The following TNS3 variants were observed in gnomAD, a reference collection of about 807,000 sequenced individuals.
TNS3 encodes tensin 3, also known as tensin-3.
TNS3 carries 45 observed loss-of-function variants against 140.9 expected under a neutral mutation model. The ratio of observed to expected loss-of-function variants is 0.32; its 90% confidence interval spans 0.25 to 0.41. The LOEUF is 0.41. TNS3 is among the 10% of genes least tolerant of loss of function. The pLI is 1.00. For missense variants in TNS3, 1,716 were observed against 1,906.7 expected (o/e 0.90, Z 1.86); for synonymous variants, 815 against 788.4 (o/e 1.03, Z -0.56).
At position 47,344,916 on chromosome 7, in the gene TNS3, A is replaced by G. The variant is rs1309208512; in HGVS notation, c.2566+8T>C. ...CAGCACATGCAGCTAGTGTTACTTC[A>G]TTCTTACCATACGGTGTCTCTGGAG... On this transcript the variant is annotated splice_region_variant and intron_variant, in intron 19 of 30. Coordinates refer to ENST00000311160, the MANE Select transcript of TNS3 (RefSeq NM_022748.12). The G allele has an allele frequency of 6.2e-7, 1 of 1,613,992 alleles. No homozygotes were observed. Among genetic ancestry groups the G allele is most frequent in the Non-Finnish European group, 8.5e-7 (1 of 1,179,864 alleles).
At chr7:47,417,749 TAAC>T (rs1008536035) in intron 10 of TNS3, among the ~76,000 whole-genome samples, 2 of 148,060 alleles carry the variant, frequency 1.4e-5, no homozygotes, top group African/African-American at 5.2e-5. Context: ...AAGGTAAGAT[TAAC>T]AACAACAACA....
At chr7:47,419,518 GT>G (rs1794260093) in intron 10 of TNS3, among the ~76,000 whole-genome samples, 1 of 152,188 alleles carries the variant, frequency 6.6e-6, no homozygotes, top group Non-Finnish European at 1.5e-5. Context: ...AGAAAGTAAA[GT>G]TTATAGTTTA....
intron 2 of TNS3, among the ~76,000 whole-genome samples, chr7:47,519,779 T>C (rs1407580582): frequency 6.6e-6 from 1 of 151,324 alleles, no homozygotes; most frequent in Non-Finnish European, 1.5e-5. Context: ...GAGGCCAGGC[T>C]TCGACTCCAT....
At chr7:47,422,501 T>C (rs1794424553) in intron 10 of TNS3, among the ~76,000 whole-genome samples, 1 of 152,070 alleles carries the variant, frequency 6.6e-6, no homozygotes. Context: ...TAGTCTCAGC[T>C]ACTCAAGAGG....
chr7:47,277,154 C>T lies in TNS3; in HGVS notation c.*922G>A, dbSNP rs1784904924. ...AGTCCACTGCACACTCTTTCAGTGG[C>T]CAGGGGCCTGCGGTGCATCCTACAT... is the stretch of plus-strand genomic sequence containing the variant. On this transcript the variant is annotated 3_prime_UTR_variant, in exon 31 of 31. Coordinates refer to ENST00000311160, the MANE Select transcript of TNS3 (RefSeq NM_022748.12). 1 of 152,262 alleles carries T rather than the reference C, an allele frequency of 6.6e-6. No homozygotes were observed. Among genetic ancestry groups the T allele is most frequent in the African/African-American group, 2.4e-5 (1 of 41,448 alleles). 9.4% of individuals were successfully genotyped at this position (152,262 alleles called of 1,614,324 possible). A position where few individuals can be genotyped will look rare whatever the true frequency, so the allele number is the denominator to read the frequency against.
chr7:47,389,547 C>T (rs1231552711), intron 16 of TNS3, among the ~76,000 whole-genome samples: 1 of 152,232 alleles, frequency 6.6e-6, no homozygotes, highest in Non-Finnish European at 1.5e-5. Flanking sequence ...GTAACGAACA[C>T]TTAATGAGAT....
intron 5 of TNS3, among the ~76,000 whole-genome samples, chr7:47,439,985 C>G (rs1799376): frequency 6.6e-6 from 1 of 151,844 alleles, no homozygotes; most frequent in African/African-American, 2.4e-5. Context: ...GGGAAGGACT[C>G]TTTGTGGTTA....
intron 27 of TNS3, among the ~76,000 whole-genome samples, chr7:47,288,136 A>G (rs1785513536): frequency 6.6e-6 from 1 of 152,192 alleles, no homozygotes; most frequent in South Asian, 2.1e-4. Context: ...CCCTGGTGCT[A>G]CCATATAGGG....
intron 4 of TNS3, among the ~76,000 whole-genome samples, chr7:47,461,780 G>A (rs1034742287): frequency 3.9e-5 from 6 of 152,252 alleles, no homozygotes; most frequent in Non-Finnish European, 8.8e-5. Flanking sequence ...AAAAGGATTT[G>A]TTACTGCTGC....
rs1439910449 is a variant in TNS3, at chr7:47,543,586, C to G, written c.-264-14439G>C. On this transcript the variant is annotated intron_variant, in intron 1 of 30. Transcript: ENST00000311160. ...GCCTGACCCTCAAGATGGTCCAAAG[C>G]TGGAGTTACCCACTCGGGTGGAAGC... 2.0e-5 allele frequency among the ~76,000 whole-genome samples: 3 copies of G among 152,356 alleles called. No homozygotes were observed. The East Asian group carries it at 5.8e-4, about 29-fold the overall frequency.
At chr7:47,505,638 G>C (rs766561247) in intron 3 of TNS3, among the ~76,000 whole-genome samples, 2 of 152,144 alleles carry the variant, frequency 1.3e-5, no homozygotes, top group Non-Finnish European at 2.9e-5. Flanking sequence ...GCACGTGCTC[G>C]GCATTCTCCA....
intron 1 of TNS3, among the ~76,000 whole-genome samples, chr7:47,541,935 C>T (rs996514208): frequency 1.4e-5 from 2 of 143,736 alleles, no homozygotes; most frequent in Non-Finnish European, 3.0e-5. Context: ...GGCAACAGAG[C>T]GAGACTCCAT....
At chr7:47,369,691 G>A in intron 16 of TNS3, 70 bp from the exon 17 acceptor site, 1 of 1,469,460 alleles carries the variant, frequency 6.8e-7, no homozygotes, top group Non-Finnish European at 9.1e-7. Flanking sequence ...CTCTGAATGG[G>A]CGTGTGCATC....
chr7:47,507,688 C>T (rs2151884282), intron 2 of TNS3, among the ~76,000 whole-genome samples: 1 of 152,314 alleles, frequency 6.6e-6, no homozygotes, highest in African/African-American at 2.4e-5. Flanking sequence ...GAGGCATAAA[C>T]CTCCCCACGA....
chr7:47,489,953 C>T (rs1165055230), intron 3 of TNS3, among the ~76,000 whole-genome samples: 1 of 152,208 alleles, frequency 6.6e-6, no homozygotes, highest in African/African-American at 2.4e-5. Flanking sequence ...TGAAGGCCAA[C>T]ACTTACCACA....
chr7:47,512,894 A>G (rs1319162847), intron 2 of TNS3, among the ~76,000 whole-genome samples: 1 of 152,248 alleles, frequency 6.6e-6, no homozygotes, highest in African/African-American at 2.4e-5. Context: ...GAACAAGAGT[A>G]TGAACTAAAT....
intron 1 of TNS3, among the ~76,000 whole-genome samples, chr7:47,554,709 T>TA (rs1800150614): frequency 6.6e-6 from 1 of 152,152 alleles, no homozygotes; most frequent in South Asian, 2.1e-4. Context: ...AGTTGCTTCT[T>TA]ATGCATAAGC....
rs144042398 is a variant in TNS3 at position 47,446,688 on chromosome 7, C to CTTTTTTTTTTTTTTTT, written c.-75-4649_-75-4634dup. Among the ~76,000 whole-genome samples the CTTTTTTTTTTTTTTTT allele has an allele frequency of 2.2e-4, 21 of 96,722 alleles. 4 individuals are homozygous for CTTTTTTTTTTTTTTTT. The highest frequency in any genetic ancestry group is 8.4e-4 in the South Asian group (2 of 2,378). The allele number at this position is 96,722 out of a possible 152,430, so 63.5% of individuals were successfully genotyped here. A position where few individuals can be genotyped will look rare whatever the true frequency, so the allele number is the denominator to read the frequency against. ...CAAAGACCGCCCTGTTCCAGGCTGCCTTTTTTTTTTTTTTTTTTTTTTTTT... is the reference window on the plus strand; with the variant it reads ...CAAAGACCGCCCTGTTCCAGGCTGCCTTTTTTTTTTTTTTTTTTTTTTTTTTTTTTTTTTTTTTTTT... On this transcript the variant is annotated intron_variant, in intron 4 of 30. Coordinates refer to ENST00000311160, the MANE Select transcript of TNS3 (RefSeq NM_022748.12).
intron 13 of TNS3, chr7:47,403,445 G>A (rs571684520): frequency 3.3e-5 from 5 of 152,184 alleles, no homozygotes; most frequent in South Asian, 2.1e-4. Flanking sequence ...AAGAAAGAGC[G>A]GTCTATCCCA....
Sources: allele counts gnomAD v4.1 joint callset (sites outside exome capture counted in the v4.1 genomes callset), GRCh38; gene constraint gnomAD v4.1.1; transcripts MANE v1.5; gene names NCBI Gene and HGNC (gene_info 2026-07-23, HGNC 2026-07-21).